The following LOC128706666 variants were observed in gnomAD, a reference collection of about 807,000 sequenced individuals.
At chr20:10,433,864 G>A in the LOC128706666 span, among the ~76,000 whole-genome samples, 1 of 152,152 alleles carries the variant, frequency 6.6e-6, no homozygotes, top group Non-Finnish European at 1.5e-5. Context: ...CCCCACCGGC[G>A]GGAAGACCTC....
the LOC128706666 span, among the ~76,000 whole-genome samples, chr20:10,421,107 A>G: frequency 1.4e-5 from 2 of 147,902 alleles, no homozygotes; most frequent in Non-Finnish European, 3.0e-5. Flanking sequence ...ATAGAGTAAG[A>G]GCCTTTTTTT....
the LOC128706666 span, among the ~76,000 whole-genome samples, chr20:10,429,757 G>A: frequency 3.3e-5 from 5 of 152,106 alleles, no homozygotes; most frequent in South Asian, 4.2e-4. Flanking sequence ...CCAGACCCTC[G>A]CGCCCTCACA....
At chr20:10,418,688 C>G in the LOC128706666 span, among the ~76,000 whole-genome samples, 2 of 152,082 alleles carry the variant, frequency 1.3e-5, no homozygotes, top group African/African-American at 4.8e-5. Flanking sequence ...AAGAGTATTT[C>G]TTTTTGCATG....
At chr20:10,415,999 A>G in the LOC128706666 span, among the ~76,000 whole-genome samples, 13 of 152,294 alleles carry the variant, frequency 8.5e-5, no homozygotes, top group Admixed American at 3.3e-4. Flanking sequence ...AAAAAAAACC[A>G]AACCACTGGG....
chr20:10,414,064 A>T, the LOC128706666 span: 6 of 372,392 alleles, frequency 1.6e-5, no homozygotes, highest in Non-Finnish European at 9.4e-6. Context: ...AACGTCCAGA[A>T]AATGAGAAAG....
chr20:10,418,580 T>TA, the LOC128706666 span, among the ~76,000 whole-genome samples: 2 of 152,170 alleles, frequency 1.3e-5, no homozygotes, highest in East Asian at 1.9e-4. Flanking sequence ...TGTTAGCCTC[T>TA]AAAACTTTTA....
chr20:10,426,852 G>A, the LOC128706666 span, among the ~76,000 whole-genome samples: 17 of 152,250 alleles, frequency 1.1e-4, no homozygotes, highest in South Asian at 2.1e-4. Context: ...AAACACATCC[G>A]TGACCTACTA....
the LOC128706666 span, among the ~76,000 whole-genome samples, chr20:10,421,237 C>T: frequency 6.6e-6 from 1 of 152,098 alleles, no homozygotes; most frequent in South Asian, 2.1e-4. Context: ...CGAGACCAGC[C>T]TAGCCAACAC....
At chr20:10,415,197 C>T in the LOC128706666 span, among the ~76,000 whole-genome samples, 29 of 152,042 alleles carry the variant, frequency 1.9e-4, no homozygotes, top group African/African-American at 5.3e-4. Flanking sequence ...CTGTTGAGGC[C>T]GGGTGTTTTA....
the LOC128706666 span, among the ~76,000 whole-genome samples, chr20:10,424,087 G>A: frequency 2.6e-5 from 4 of 152,096 alleles, no homozygotes; most frequent in East Asian, 5.8e-4. Context: ...GGCTTTTCAC[G>A]TTACAAACTA....
At chr20:10,419,808 C>T in the LOC128706666 span, among the ~76,000 whole-genome samples, 1 of 152,186 alleles carries the variant, frequency 6.6e-6, no homozygotes, top group Non-Finnish European at 1.5e-5. Flanking sequence ...TTTCATCATG[C>T]TACTCAGAAA....
the LOC128706666 span, among the ~76,000 whole-genome samples, chr20:10,417,868 TA>T: frequency 4.6e-5 from 7 of 152,140 alleles, no homozygotes; most frequent in African/African-American, 1.4e-4. Flanking sequence ...AGGAAATTGT[TA>T]AATGACAAGA....
At chr20:10,419,947 C>T in the LOC128706666 span, among the ~76,000 whole-genome samples, 6 of 152,188 alleles carry the variant, frequency 3.9e-5, no homozygotes, top group South Asian at 8.3e-4. Context: ...GACAACTGCA[C>T]TGCAAATTGC....
the LOC128706666 span, among the ~76,000 whole-genome samples, chr20:10,428,451 C>T: frequency 6.6e-6 from 1 of 152,334 alleles, no homozygotes; most frequent in South Asian, 2.1e-4. Flanking sequence ...ACCTTCATTT[C>T]TGCAGATAAC....
the LOC128706666 span, chr20:10,420,703 ACTTTGTAGT>A: frequency 1.2e-4 from 18 of 152,134 alleles, no homozygotes; most frequent in African/African-American, 3.6e-4. Context: ...AACAACCAAA[ACTTTGTAGT>A]CTCTCCACAA....
At chr20:10,427,141 T>C in the LOC128706666 span, among the ~76,000 whole-genome samples, 1 of 151,752 alleles carries the variant, frequency 6.6e-6, no homozygotes, top group African/African-American at 2.4e-5. Context: ...CAGCTGGATC[T>C]AGCCATCAGA....
chr20:10,432,964 C>T, the LOC128706666 span, among the ~76,000 whole-genome samples: 113 of 152,264 alleles, frequency 7.4e-4, no homozygotes, highest in Non-Finnish European at 1.0e-3. Flanking sequence ...AAGGTCTGCA[C>T]GTGTTCAGTA....
the LOC128706666 span, among the ~76,000 whole-genome samples, chr20:10,419,975 C>G: frequency 1.3e-5 from 2 of 152,134 alleles, no homozygotes; most frequent in Non-Finnish European, 2.9e-5. Context: ...CAGTTAAGAT[C>G]AAGTTTTGCT....
chr20:10,413,923 C>T, the LOC128706666 span: 3 of 410,352 alleles, frequency 7.3e-6, no homozygotes, highest in East Asian at 3.5e-5. Flanking sequence ...TTCAAAGCTG[C>T]TTCTTTACCT....
Sources: allele counts gnomAD v4.1 joint callset (sites outside exome capture counted in the v4.1 genomes callset), GRCh38; gene constraint gnomAD v4.1.1; transcripts MANE v1.5.